Variants in ATF7 observed in about 807,000 individuals in gnomAD.
ATF7 encodes activating transcription factor 7.
A neutral mutation model predicts 50.4 loss-of-function variants in ATF7; 10 were observed. The observed-to-expected ratio is 0.20, with a 90% CI of 0.12 to 0.34. ATF7 has a LOEUF of 0.34. ATF7 is among the 10% of genes least tolerant of loss of function. ATF7 has a pLI of 1.00. For missense variants in ATF7, 465 were observed against 613.9 expected, an observed-to-expected ratio of 0.76 and a Z score of 2.56; for synonymous variants, 201 against 226.4, an observed-to-expected ratio of 0.89 and a Z score of 1.01.
intron 3 of ATF7, among the ~76,000 whole-genome samples, chr12:53,546,375 A>AAAAAAAACAAAAAAC (rs146839100): frequency 4.0e-4 from 60 of 150,496 alleles, no homozygotes; most frequent in Non-Finnish European, 7.2e-4. Flanking sequence ...ACCTGTCTCA[A>AAAAAAAACAAAAAAC]AAAAAACAAA....
intron 1 of ATF7, among the ~76,000 whole-genome samples, chr12:53,624,931 C>G (rs1241161467): frequency 6.6e-6 from 1 of 152,100 alleles, no homozygotes; most frequent in African/African-American, 2.4e-5. Flanking sequence ...GCTTAGAATG[C>G]CCATAAAGAC....
chr12:53,570,392 T>A (rs977135003), intron 2 of ATF7, among the ~76,000 whole-genome samples: 1 of 152,100 alleles, frequency 6.6e-6, no homozygotes, highest in Non-Finnish European at 1.5e-5. Context: ...AAAATACTGA[T>A]GGGTGTCAGG....
At chr12:53,591,689 A>C (rs1942943153) in intron 2 of ATF7, among the ~76,000 whole-genome samples, 1 of 152,200 alleles carries the variant, frequency 6.6e-6, no homozygotes, top group Admixed American at 6.5e-5. Flanking sequence ...GTATCAAAAG[A>C]AGATCTGACC....
chr12:53,577,349 AT>A (rs1356285847), intron 2 of ATF7, among the ~76,000 whole-genome samples: 2 of 152,172 alleles, frequency 1.3e-5, no homozygotes, highest in Admixed American at 6.5e-5. Context: ...TAAAAAAAAA[AT>A]AACAACAACA....
chr12:53,508,786 T>C (rs561210002), downstream of ATF7, among the ~76,000 whole-genome samples: 4 of 152,104 alleles, frequency 2.6e-5, no homozygotes, highest in African/African-American at 4.8e-5. Context: ...TTTCCTAGAA[T>C]AGACCTCTGC....
chr12:53,532,662 A>C, intron 7 of ATF7, 39 bp from the exon 8 acceptor site: 1 of 1,389,260 alleles, frequency 7.2e-7, no homozygotes, highest in Non-Finnish European at 9.9e-7. Context: ...AGAGAAGGGA[A>C]CATAATACCA....
At position 53,547,133 on chromosome 12, in the gene ATF7, C is replaced by G. The variant is rs182985004; in HGVS notation, c.146-3685G>C. On this transcript the variant is annotated intron_variant, in intron 3 of 11. Transcript: ENST00000420353. Reference sequence around the variant, plus strand: ...CCGAGTAGCTGGGACTACAGGCGCCCGCCACCATGCCTGGCTAATTTTTTG... The same window carrying G: ...CCGAGTAGCTGGGACTACAGGCGCCGGCCACCATGCCTGGCTAATTTTTTG... Among the ~76,000 whole-genome samples, 416 of 150,728 alleles carry G rather than the reference C, an allele frequency of 2.8e-3. 1 individual carries two copies. The highest frequency in any genetic ancestry group is 0.01 in the Middle Eastern group (3 of 294).
In ATF7 at chr12:53,515,406, G is replaced by A. The variant is rs1208098519; in HGVS notation, c.*1731C>T. On this transcript the variant is annotated 3_prime_UTR_variant, in exon 12 of 12. Coordinates refer to ENST00000420353, the MANE Select transcript of ATF7 (RefSeq NM_006856.3). ...TTAAGATGGAGGTAGGAAAGATGGA[G>A]AGAAGGACATTCTTGGCTTGCACAG... The A allele has an allele frequency of 6.6e-6, 1 of 152,230 alleles. No homozygotes were observed. The highest frequency in any genetic ancestry group is 2.4e-5 in the African/African-American group (1 of 41,450). 9.4% of individuals were successfully genotyped at this position (152,230 alleles called of 1,614,324 possible). A position where few individuals can be genotyped will look rare whatever the true frequency, so the allele number is the denominator to read the frequency against.
intron 2 of ATF7, among the ~76,000 whole-genome samples, chr12:53,579,976 G>T (rs1942321635): frequency 1.3e-5 from 2 of 151,860 alleles, no homozygotes; most frequent in South Asian, 4.2e-4. Context: ...CACTCTGTCG[G>T]CCAGGCTGGA....
chr12:53,600,867 C>T, intron 2 of ATF7, 86 bp downstream of exon 2: 1 of 1,339,542 alleles, frequency 7.5e-7, no homozygotes, highest in Non-Finnish European at 1.0e-6. Flanking sequence ...ACGTAAAATA[C>T]TGGCTTTAAA....
At chr12:53,608,218 C>CAAAAAA (rs71444811) in intron 1 of ATF7, among the ~76,000 whole-genome samples, 1 of 89,040 alleles carries the variant, frequency 1.1e-5, no homozygotes, top group African/African-American at 3.9e-5. Flanking sequence ...GACTCTGTCT[C>CAAAAAA]AAAAAAAAAA....
At chr12:53,510,374 C>T (rs771064887), downstream of ATF7, among the ~76,000 whole-genome samples, 33 of 152,242 alleles carry the variant, frequency 2.2e-4, no homozygotes, top group Non-Finnish European at 4.3e-4. Flanking sequence ...ATCAAGGCCA[C>T]GGGGAGATGG....
chr12:53,597,922 C>G (rs1430559480), intron 2 of ATF7, among the ~76,000 whole-genome samples: 2 of 152,080 alleles, frequency 1.3e-5, no homozygotes, highest in African/African-American at 4.8e-5. Flanking sequence ...TTCTAAACCA[C>G]GTCTTGCAAA....
chr12:53,601,877 C>T (rs577512700), intron 1 of ATF7, among the ~76,000 whole-genome samples: 1 of 152,314 alleles, frequency 6.6e-6, no homozygotes, highest in South Asian at 2.1e-4. Context: ...CCTTCTATTT[C>T]TCTGAAGACT....
intron 2 of ATF7, among the ~76,000 whole-genome samples, chr12:53,596,689 T>C (rs1943171839): frequency 6.6e-6 from 1 of 152,210 alleles, no homozygotes; most frequent in African/African-American, 2.4e-5. Flanking sequence ...GACAGAGACA[T>C]AGTATTTATT....
intron 9 of ATF7, among the ~76,000 whole-genome samples, chr12:53,529,710 TACACACACAC>T (rs796404325): frequency 1.5e-5 from 2 of 132,250 alleles, no homozygotes; most frequent in Non-Finnish European, 3.1e-5. Context: ...TATATACACA[TACACACACAC>T]ACACACACAC....
At chr12:53,542,055 C>T (rs1448957091) in intron 4 of ATF7, among the ~76,000 whole-genome samples, 1 of 149,904 alleles carries the variant, frequency 6.7e-6, no homozygotes, top group African/African-American at 2.4e-5. Flanking sequence ...ATCTGCTTGC[C>T]TTGGCCTCCC....
chr12:53,592,877 GA>G (rs1943004617), intron 2 of ATF7, among the ~76,000 whole-genome samples: 2 of 152,122 alleles, frequency 1.3e-5, no homozygotes, highest in Non-Finnish European at 2.9e-5. Context: ...TTAATGGAAA[GA>G]GGACAAAAAT....
At chr12:53,544,330 C>A (rs1349227401) in intron 3 of ATF7, among the ~76,000 whole-genome samples, 1 of 152,168 alleles carries the variant, frequency 6.6e-6, no homozygotes, top group Non-Finnish European at 1.5e-5. Flanking sequence ...AACTCTATTA[C>A]GATGGGTTTC....
Sources: allele counts gnomAD v4.1 joint callset (sites outside exome capture counted in the v4.1 genomes callset), GRCh38; gene constraint gnomAD v4.1.1; transcripts MANE v1.5; gene names NCBI Gene and HGNC (gene_info 2026-07-23, HGNC 2026-07-21).